The following ADGRB1 variants were observed in gnomAD, a reference collection of about 807,000 sequenced individuals.
ADGRB1 encodes the protein adhesion G protein-coupled receptor B1, also known as brain-specific angiogenesis inhibitor 1.
ADGRB1 carries 36 observed loss-of-function variants against 175.7 expected under a neutral mutation model. That is an observed-to-expected ratio of 0.20 (90% CI 0.16 to 0.27). The LOEUF (loss-of-function observed/expected upper bound fraction) is 0.27, where lower values mean the gene tolerates loss of function less well. Ranked by LOEUF, ADGRB1 falls within the 10% of genes least tolerant of loss-of-function variation. The probability of loss-of-function intolerance (pLI) is 1.00; values close to 1 mark genes in which losing one functional copy is unlikely to be tolerated. For synonymous variants in ADGRB1, 1,054 were observed against 979.4 expected, an observed-to-expected ratio of 1.08 and a Z score of -1.42; for missense variants, 1,731 against 2,255.3, an observed-to-expected ratio of 0.77 and a Z score of 4.71.
chr8:142,476,639 G>T lies in ADGRB1; in HGVS notation c.1001G>T (p.Arg334Leu). 1 of 1,548,604 alleles carries T rather than the reference G, an allele frequency of 6.5e-7. No individual in the cohort carries two copies. Among genetic ancestry groups the T allele is most frequent in the Non-Finnish European group, 8.7e-7 (1 of 1,146,264 alleles). Reference sequence around the variant, plus strand: ...TCCCTGCGGTCCACAGATGCCCGGCGGCGCGAGGAGCTGGGGGACGAGCTG... The same window carrying T: ...TCCCTGCGGTCCACAGATGCCCGGCTGCGCGAGGAGCTGGGGGACGAGCTG... The part of the protein sequence containing the change: ...SQSLRSTDAR[R>L]REELGDELQQ... The change falls in exon 4 of 31, where the codon CGG (arginine) becomes CTG (leucine). Residue 334 changes from arginine to leucine, a missense_variant. Arg to Leu is a moderately radical substitution (Grantham distance 102, BLOSUM62 -2). Around this residue, in one of 8 missense-constraint regions of ADGRB1, gnomAD observed 178 missense variants for 227.8 expected, o/e 0.78. Coordinates refer to ENST00000517894, the MANE Select transcript of ADGRB1 (RefSeq NM_001702.3).
chr8:142,522,812 C>A (rs1843930090), intron 22 of ADGRB1, 102 bp downstream of exon 22: 4 of 1,253,684 alleles, frequency 3.2e-6, no homozygotes, highest in South Asian at 4.0e-5. Flanking sequence ...CCCCGTGTGA[C>A]CCTGATCATC....
chr8:142,497,520 G>A lies in ADGRB1; in HGVS notation c.2675+6705G>A, dbSNP rs535350822. Among the ~76,000 whole-genome samples the A allele has an allele frequency of 2.0e-4, 30 of 152,258 alleles. No homozygotes were observed. In the East Asian group the frequency reaches 5.4e-3, roughly 28 times the overall value. On this transcript the variant is annotated intron_variant, in intron 17 of 30. Coordinates refer to ENST00000517894, the MANE Select transcript of ADGRB1 (RefSeq NM_001702.3). ...GGGGAGGGGTGCAGGGGGAGGGGAC[G>A]CACCCAACACAGAGGCCTCTTTGGT...
At chr8:142,534,649 A>T (rs909717882) in intron 25 of ADGRB1, among the ~76,000 whole-genome samples, 1 of 152,218 alleles carries the variant, frequency 6.6e-6, no homozygotes, top group Admixed American at 6.5e-5. Context: ...GCAGTGCTCC[A>T]CACTTACATC....
intron 25 of ADGRB1, among the ~76,000 whole-genome samples, chr8:142,533,989 C>A (rs947714124): frequency 6.6e-6 from 1 of 152,244 alleles, no homozygotes; most frequent in South Asian, 2.1e-4. Flanking sequence ...GCTTCCAGAT[C>A]AGCGCCAGGA....
chr8:142,538,850 G>A (rs1246981653), intron 26 of ADGRB1, among the ~76,000 whole-genome samples: 1 of 152,196 alleles, frequency 6.6e-6, no homozygotes, highest in Non-Finnish European at 1.5e-5. Context: ...GGGACCAAGG[G>A]GGAGAGTTCT....
Position 142,504,820 on chromosome 8 carries a change from C to A in ADGRB1, c.2676-6112C>A, listed in dbSNP as rs1842776862. Among the ~76,000 whole-genome samples the A allele has an allele frequency of 6.6e-6, 1 of 152,022 alleles. No individual in the cohort carries two copies. The highest frequency in any genetic ancestry group is 6.5e-5 in the Admixed American group (1 of 15,280). On this transcript the variant is annotated intron_variant, in intron 17 of 30. Transcript: ENST00000517894. This position sits in a 1 kb window ranked among gnomAD's most constrained non-coding sequence, Gnocchi z 5.6. ...AGGCCAGGCCTAGAAGCCGAAGCCT[C>A]TGCCTGCAGAGACACCATTTCCACT... is the stretch of plus-strand genomic sequence containing the variant.
intron 11 of ADGRB1, among the ~76,000 whole-genome samples, chr8:142,482,822 TCA>T (rs1341454059): frequency 6.7e-6 from 1 of 149,970 alleles, no homozygotes. Context: ...CTGACCCTGG[TCA>T]CATGCTGAGC....
rs1840282800 is a variant in ADGRB1 at position 142,466,478 on chromosome 8, C to T, written c.784+1496C>T. Among the ~76,000 whole-genome samples, 2 of 152,198 alleles carry T rather than the reference C, an allele frequency of 1.3e-5. 1 individual carries two copies. Among genetic ancestry groups the T allele is most frequent in the South Asian group, 4.1e-4 (2 of 4,826 alleles). ...GGACAGGCGTGAGGCTTGGCCCAGC[C>T]CTCCAGTGGCCCGAGGAGGAGGGAG... On this transcript the variant is annotated intron_variant, in intron 2 of 30. Transcript: ENST00000517894.
Position 142,489,406 on chromosome 8 carries a change from C to A in ADGRB1, c.2599C>A (p.Pro867Thr). The change falls in exon 16 of 31, where the codon CCC (proline) becomes ACC (threonine). Residue 867 changes from proline to threonine, a missense_variant. Physicochemically the swap from Pro to Thr is conservative, Grantham distance 38. Transcript: ENST00000517894. The part of the protein sequence containing the change: ...VKPPPRSLRT[P>T]LEIEFAHMYN... ...ACCCCCGCCTCGCTCCCTGCGCACACCCTTGGAGATCGAGTTTGCCCACAT... is the reference window on the plus strand; with the variant it reads ...ACCCCCGCCTCGCTCCCTGCGCACAACCTTGGAGATCGAGTTTGCCCACAT... The A allele has an allele frequency of 5.6e-6, 9 of 1,612,996 alleles. No homozygotes were observed. Among genetic ancestry groups the A allele is most frequent in the South Asian group, 1.1e-5 (1 of 91,088 alleles).
chr8:142,523,027 G>C (rs968482173), intron 22 of ADGRB1, among the ~76,000 whole-genome samples: 1 of 152,348 alleles, frequency 6.6e-6, no homozygotes, highest in South Asian at 2.1e-4. Flanking sequence ...TCGGTGGGGA[G>C]CCCCCCTCTG....
Position 142,510,924 on chromosome 8 carries a change from GCCCC to G in ADGRB1, c.2676-6_2676-3del. The stretch of plus-strand genomic sequence containing the variant: ...CCTGTCTCCCTCCCGTGTCCCGCCC[GCCCC>G]CAGACCCTCCTCCTCCGCCCCCCCG... On this transcript the variant is annotated splice_region_variant and splice_polypyrimidine_tract_variant and intron_variant, in intron 17 of 30. Transcript: ENST00000517894. The surrounding 1 kb of genome is among the most constrained non-coding windows in gnomAD (Gnocchi z 6.3). The G allele has an allele frequency of 2.9e-6, 1 of 343,304 alleles. No homozygotes were observed. The highest frequency in any genetic ancestry group is 4.2e-6 in the Non-Finnish European group (1 of 240,530). 21.3% of individuals were successfully genotyped at this position (343,304 alleles called of 1,614,324 possible).
chr8:142,491,578 G>A lies in ADGRB1; in HGVS notation c.2675+763G>A, dbSNP rs1340749621. ...GTGGGGAGATGGATAGAGCGATGGC[G>A]GCCGGGTCCCAACATGCGGCTCCGG... On this transcript the variant is annotated intron_variant, in intron 17 of 30. Transcript: ENST00000517894. Among the ~76,000 whole-genome samples, 12 of 152,210 alleles carry A rather than the reference G, an allele frequency of 7.9e-5. No homozygotes were observed. In the East Asian group the frequency reaches 1.2e-3, roughly 15 times the overall value.
In ADGRB1 at chr8:142,522,104, G is replaced by A; in HGVS notation, c.3164G>A (p.Cys1055Tyr). 1 of 1,609,942 alleles carries A rather than the reference G, an allele frequency of 6.2e-7. No homozygotes were observed. ...CGCCTCATCCGCAAGCGCTTCCTCT[G>A]CCTGGGCTGGGGTGAGCCGCGGCCT... The part of the protein sequence containing the change: ...RNRLIRKRFL[C>Y]LGWGLPALVV... The change falls in exon 21 of 31, where the codon TGC becomes TAC. Residue 1055 changes from cysteine to tyrosine, a missense_variant. Cys to Tyr is a radical substitution (Grantham distance 194). Coordinates refer to ENST00000517894, the MANE Select transcript of ADGRB1 (RefSeq NM_001702.3).
chr8:142,457,627 T>C (rs1839751955), intron 1 of ADGRB1, among the ~76,000 whole-genome samples: 1 of 152,152 alleles, frequency 6.6e-6, no homozygotes, highest in Non-Finnish European at 1.5e-5. Flanking sequence ...GCACGTGACC[T>C]GGGCTCTCTA....
intron 18 of ADGRB1, 61 bp from the exon 19 acceptor site, chr8:142,518,077 G>T (rs1843550355): frequency 4.4e-5 from 68 of 1,541,738 alleles, no homozygotes; most frequent in Non-Finnish European, 5.8e-5. Context: ...TCAGTCTTCG[G>T]GTCTGCCGAG....
chr8:142,491,050 A>G lies in ADGRB1; in HGVS notation c.2675+235A>G, dbSNP rs1285063412. On this transcript the variant is annotated intron_variant, in intron 17 of 30. Coordinates refer to ENST00000517894, the MANE Select transcript of ADGRB1 (RefSeq NM_001702.3). ...ACAGTTCAGGGAGGAGCGGACGTGG[A>G]GGTCCAACCACAGGCCAGGTGATGG... 3.3e-5 allele frequency among the ~76,000 whole-genome samples: 5 copies of G among 152,234 alleles called. No homozygotes were observed. The East Asian group carries it at 9.7e-4, about 29-fold the overall frequency.
chr8:142,531,062 C>G (rs1036599353), intron 24 of ADGRB1, among the ~76,000 whole-genome samples: 1 of 152,242 alleles, frequency 6.6e-6, no homozygotes, highest in Non-Finnish European at 1.5e-5. Flanking sequence ...ACTGTATCCC[C>G]TGACGGGCAG....
intron 19 of ADGRB1, 43 bp downstream of exon 19, chr8:142,518,284 T>C: frequency 6.3e-7 from 1 of 1,597,794 alleles, no homozygotes; most frequent in South Asian, 1.1e-5. Flanking sequence ...CTGTGGCTCC[T>C]GCATCACACG....
intron 30 of ADGRB1, 67 bp from the exon 31 acceptor site, chr8:142,544,153 C>A (rs893297427): frequency 6.0e-6 from 9 of 1,506,938 alleles, no homozygotes; most frequent in African/African-American, 1.4e-5. Flanking sequence ...CCTCCTCCCC[C>A]CTACTCCTCG....
Sources: gnomAD v4.1 joint callset for allele counts (sites outside exome capture counted in the v4.1 genomes callset) on GRCh38, gnomAD v4.1.1 for gene constraint, gnomAD v4.1.1 regional missense constraint, Gnocchi (gnomAD v3.1) non-coding constraint, MANE v1.5 for transcripts, NCBI Gene and HGNC (gene_info 2026-07-23, HGNC 2026-07-21) for gene names.